The following CHRNA1 variants were observed in gnomAD, a reference collection of about 807,000 sequenced individuals.
The protein encoded by CHRNA1 is acetylcholine receptor subunit alpha.
Under a neutral mutation model 47.1 loss-of-function variants are expected in CHRNA1, and 35 were observed. The ratio of observed to expected loss-of-function variants is 0.74; its 90% confidence interval spans 0.57 to 0.99. The LOEUF (loss-of-function observed/expected upper bound fraction) is 0.99, where lower values mean the gene tolerates loss of function less well. Among genes scored for constraint, CHRNA1 ranks in the 50% least tolerant of loss-of-function variants. CHRNA1 has a pLI of 0.00. For missense variants in CHRNA1, 506 were observed against 591.1 expected, an observed-to-expected ratio of 0.86 and a Z score of 1.49; for synonymous variants, 229 against 223.6, an observed-to-expected ratio of 1.02 and a Z score of -0.22.
Position 174,759,557 on chromosome 2 carries a change from C to T in CHRNA1, c.120G>A (p.Arg40=). ...KLFKDYSSVV[R]PVEDHRQVVE... ...CGACCTGGCGGTGGTCTTCCACTGG[C>T]CGCACCACGCTGCTGTAGTCTTTAA... The change falls in exon 2 of 9, where the codon CGG becomes CGA. Residue 40 remains arginine (R), a synonymous_variant. Transcript: ENST00000348749. The T allele has an allele frequency of 1.2e-6, 2 of 1,613,986 alleles. No homozygotes were observed. The highest frequency in any genetic ancestry group is 1.7e-6 in the Non-Finnish European group (2 of 1,180,000).
In CHRNA1 at chr2:174,754,398, C is replaced by A. The variant is rs1419364118; in HGVS notation, c.361G>T (p.Ala121Ser). The A allele has an allele frequency of 4.3e-6, 7 of 1,614,070 alleles. No individual in the cohort carries two copies. The highest frequency in any genetic ancestry group is 5.9e-6 in the Non-Finnish European group (7 of 1,180,028). The change falls in exon 5 of 9, where the codon GCT (alanine) becomes TCT (serine). Residue 121 changes from alanine (A) to serine (S), a missense_variant. By Grantham distance (99) the Ala-to-Ser change is moderately conservative. Coordinates refer to ENST00000348749, the MANE Select transcript of CHRNA1 (RefSeq NM_000079.4). The stretch of plus-strand genomic sequence containing the variant: ...AGCACTTTGGTGAACTTGACAATAG[C>A]AAAGTCACCATCTGCACTACAATTG... ...VLYNNADGDF[A>S]IVKFTKVLLQ...
chr2:174,753,427 T>C (rs765432113), intron 6 of CHRNA1, 76 bp downstream of exon 6: 2 of 1,384,268 alleles, frequency 1.4e-6, no homozygotes, highest in Admixed American at 3.3e-5. Context: ...TAGCACATGA[T>C]TATTTCTGGC....
intron 4 of CHRNA1, among the ~76,000 whole-genome samples, chr2:174,754,851 G>A (rs968340103): frequency 2.0e-5 from 3 of 149,786 alleles, no homozygotes; most frequent in Non-Finnish European, 4.4e-5. Flanking sequence ...TCATTACTGC[G>A]ACAAGCAGGT....
chr2:174,748,490 C>T, intron 8 of CHRNA1, 90 bp downstream of exon 8: 1 of 1,518,958 alleles, frequency 6.6e-7, no homozygotes. Flanking sequence ...CTGTTGTATG[C>T]CACCTACTTG....
intron 1 of CHRNA1, among the ~76,000 whole-genome samples, chr2:174,760,319 G>A (rs1684078535): frequency 6.6e-6 from 1 of 152,122 alleles, no homozygotes; most frequent in Non-Finnish European, 1.5e-5. Context: ...GTAAATGGAT[G>A]GACAAATTAT....
At chr2:174,757,711 A>C (rs1684010882) in intron 3 of CHRNA1, 36 bp from the exon 4 acceptor site, 1 of 1,562,710 alleles carries the variant, frequency 6.4e-7, no homozygotes, top group South Asian at 1.1e-5. Flanking sequence ...TAAAAAGCCA[A>C]AAACACTTTC....
At chr2:174,753,334 A>G (rs1312893054) in intron 6 of CHRNA1, 169 bp downstream of exon 6, 8 of 790,266 alleles carry the variant, frequency 1.0e-5, no homozygotes, top group Non-Finnish European at 1.8e-5. Context: ...AGCTCCACTC[A>G]CAGTGACTCT....
intron 1 of CHRNA1, among the ~76,000 whole-genome samples, chr2:174,763,171 A>G (rs1481083736): frequency 6.6e-6 from 1 of 152,236 alleles, no homozygotes; most frequent in African/African-American, 2.4e-5. Context: ...TTTGACCTAA[A>G]TACATATCAC....
At chr2:174,752,918 T>G in intron 6 of CHRNA1, 1 of 162,592 alleles carries the variant, frequency 6.2e-6, no homozygotes, top group Admixed American at 5.7e-5. Flanking sequence ...TCTGGTGGAT[T>G]GTTATTGTTT....
rs1263623441 is a variant in CHRNA1, at chr2:174,754,328, A to G, written c.431T>C (p.Phe144Ser). The G allele has an allele frequency of 6.2e-7, 1 of 1,614,092 alleles. No individual in the cohort carries two copies. Among genetic ancestry groups the G allele is most frequent in the African/African-American group, 1.3e-5 (1 of 74,918 alleles). The change falls in exon 5 of 9, where the codon TTT becomes TCT. Residue 144 changes from phenylalanine to serine, a missense_variant. By Grantham distance (155) the Phe-to-Ser change is radical. Coordinates refer to ENST00000348749, the MANE Select transcript of CHRNA1 (RefSeq NM_000079.4). ...GHITWTPPAI[F>S]KSYCEIIVTH... ...GACGATGATCTCACAGTAGCTTTTA[A>G]AGATGGCTGGAGGTGTCCACGTGAT...
chr2:174,764,229 C>T, intron 1 of CHRNA1, 123 bp downstream of exon 1: 1 of 983,440 alleles, frequency 1.0e-6, no homozygotes, highest in Non-Finnish European at 1.6e-6. Context: ...ACAGAGCAGC[C>T]CCTGGTTGGG....
intron 3 of CHRNA1, 168 bp from the exon 4 acceptor site, chr2:174,757,843 A>C (rs1482371538): frequency 1.1e-6 from 1 of 935,008 alleles, no homozygotes; most frequent in Non-Finnish European, 1.7e-6. Context: ...AAGAACAGCA[A>C]ATATATAGCA....
chr2:174,748,806 G>A lies in CHRNA1; in HGVS notation c.1016C>T (p.Thr339Ile), dbSNP rs1392812802. 1.9e-6 allele frequency: 3 copies of A among 1,614,094 alleles called. No homozygotes were observed. Among genetic ancestry groups the A allele is most frequent in the Admixed American group, 3.3e-5 (2 of 60,018 alleles). Residue 339 changes from threonine to isoleucine, a missense_variant, in exon 8 of 9, where the codon ACT becomes ATT. Physicochemically the swap from Thr to Ile is moderately conservative, Grantham distance 89. Transcript: ENST00000348749. ...PNWVRKVFID[T>I]IPNIMFFSTM... ...GGAGAAAAACATGATATTTGGGATA[G>A]TGTCGATAAAAACCTAACATAAAAA...
At chr2:174,748,400 G>T in intron 8 of CHRNA1, 145 bp from the exon 9 acceptor site, 1 of 1,402,530 alleles carries the variant, frequency 7.1e-7, no homozygotes, top group Non-Finnish European at 9.7e-7. Context: ...TTTATTTTTT[G>T]AATAGATTAT....
chr2:174,749,807 C>T (rs2105345094), intron 7 of CHRNA1, 139 bp downstream of exon 7: 1 of 744,632 alleles, frequency 1.3e-6, no homozygotes, highest in Non-Finnish European at 2.3e-6. Flanking sequence ...AAGAAAGTTC[C>T]TTCCAAAAAT....
At chr2:174,754,879 A>G (rs1394412882) in intron 4 of CHRNA1, among the ~76,000 whole-genome samples, 1 of 125,898 alleles carries the variant, frequency 7.9e-6, no homozygotes. Context: ...GGGGCCTACT[A>G]CTCTTTTTTT....
chr2:174,760,021 A>G (rs1468637767), intron 1 of CHRNA1, among the ~76,000 whole-genome samples: 1 of 152,106 alleles, frequency 6.6e-6, no homozygotes, highest in African/African-American at 2.4e-5. Context: ...GAAATCTTGG[A>G]CTGGCTGCAT....
chr2:174,751,771 A>T (rs1574004864), intron 6 of CHRNA1, among the ~76,000 whole-genome samples: 1 of 150,544 alleles, frequency 6.6e-6, no homozygotes, highest in South Asian at 2.1e-4. Flanking sequence ...CTCCGCCTCC[A>T]GGGTTCAAGC....
In CHRNA1 at chr2:174,748,563, C is replaced by T. The variant is rs1683781720; in HGVS notation, c.1242+17G>A. The T allele has an allele frequency of 6.2e-7, 1 of 1,608,562 alleles. No individual in the cohort carries two copies. Among genetic ancestry groups the T allele is most frequent in the African/African-American group, 1.3e-5 (1 of 74,728 alleles). ...CATTTAAACCCAGAGGCATGAATTT[C>T]AAGCCACGAAGCTTACATTGTTAGA... On this transcript the variant is annotated intron_variant, in intron 8 of 8. Transcript: ENST00000348749.
Sources: gnomAD v4.1 joint callset for allele counts (sites outside exome capture counted in the v4.1 genomes callset) on GRCh38, gnomAD v4.1.1 for gene constraint, MANE v1.5 for transcripts, NCBI Gene and HGNC (gene_info 2026-07-23, HGNC 2026-07-21) for gene names.